FRS2: variants seen among roughly 807,000 people sequenced by gnomAD.
FRS2 encodes FGFR signalling adaptor.
Under a neutral mutation model 43.9 loss-of-function variants are expected in FRS2, and 8 were observed. The observed-to-expected ratio is 0.18, with a 90% CI of 0.11 to 0.33. The LOEUF (loss-of-function observed/expected upper bound fraction) is 0.33, where lower values mean the gene tolerates loss of function less well. Among genes scored for constraint, FRS2 ranks in the 10% least tolerant of loss-of-function variants. The pLI, the probability that FRS2 is intolerant of heterozygous loss-of-function variation, is 1.00. For synonymous variants in FRS2, 219 were observed against 220.3 expected, an observed-to-expected ratio of 0.99 and a Z score of 0.05; for missense variants, 534 against 627.6, an observed-to-expected ratio of 0.85 and a Z score of 1.59.
intron 1 of FRS2, among the ~76,000 whole-genome samples, chr12:69,525,192 GTTT>G (rs11295929): frequency 6.8e-6 from 1 of 146,754 alleles, no homozygotes; most frequent in Non-Finnish European, 1.5e-5. Flanking sequence ...ATGTAATATT[GTTT>G]TTTTTTTTTT....
intron 1 of FRS2, among the ~76,000 whole-genome samples, chr12:69,513,754 A>C (rs1170512119): frequency 1.3e-5 from 2 of 152,156 alleles, no homozygotes; most frequent in Non-Finnish European, 2.9e-5. Context: ...TCAAGTGTAA[A>C]GCTCCTGCTG....
At chr12:69,557,617 T>TGC (rs1377444472) in intron 3 of FRS2, among the ~76,000 whole-genome samples, 59 of 117,040 alleles carry the variant, frequency 5.0e-4, no homozygotes, top group Non-Finnish European at 7.0e-4. Context: ...TGTGTGTGTG[T>TGC]GTGCGCGCGC....
chr12:69,524,438 G>A (rs1876001897), intron 1 of FRS2, among the ~76,000 whole-genome samples: 1 of 152,036 alleles, frequency 6.6e-6, no homozygotes, highest in African/African-American at 2.4e-5. Context: ...GTGTCTGTGG[G>A]GCAGCTCTGC....
intron 8 of FRS2, among the ~76,000 whole-genome samples, chr12:69,573,597 G>A (rs1018056211): frequency 3.3e-5 from 5 of 152,090 alleles, no homozygotes; most frequent in South Asian, 2.1e-4. Flanking sequence ...AGAGTAGCTA[G>A]GATTACAGGC....
intron 1 of FRS2, among the ~76,000 whole-genome samples, chr12:69,525,031 T>A (rs533636024): frequency 2.6e-5 from 4 of 152,112 alleles, no homozygotes; most frequent in Non-Finnish European, 5.9e-5. Flanking sequence ...GCCTTCCCTC[T>A]GAAGGTTTGC....
At chr12:69,481,468 A>C (rs1225861482) in intron 1 of FRS2, among the ~76,000 whole-genome samples, 1 of 151,504 alleles carries the variant, frequency 6.6e-6, no homozygotes, top group East Asian at 1.9e-4. Context: ...TTTTGTAGAG[A>C]TGGTGTCTCA....
At chr12:69,556,367 C>G (rs1251484227) in intron 3 of FRS2, among the ~76,000 whole-genome samples, 2 of 151,080 alleles carry the variant, frequency 1.3e-5, no homozygotes, top group Non-Finnish European at 2.9e-5. Context: ...AAGTCTCACT[C>G]TGTTACCAAG....
intron 1 of FRS2, among the ~76,000 whole-genome samples, chr12:69,493,265 A>G (rs1044019408): frequency 2.0e-5 from 3 of 152,210 alleles, no homozygotes; most frequent in African/African-American, 7.2e-5. Flanking sequence ...CAAAGTATAC[A>G]GACATTTGGG....
rs11380565 is a variant in FRS2, at chr12:69,531,335, GA to G, written c.-165+387del. 4.2e-3 allele frequency among the ~76,000 whole-genome samples: 588 copies of G among 140,654 alleles called. 4 individuals are homozygous for G. Among genetic ancestry groups the G allele is most frequent in the African/African-American group, 8.0e-3 (310 of 38,720 alleles). 92.3% of individuals were successfully genotyped at this position (140,654 alleles called of 152,430 possible). A position where few individuals can be genotyped will look rare whatever the true frequency, so the allele number is the denominator to read the frequency against. On this transcript the variant is annotated intron_variant, in intron 2 of 8. Transcript: ENST00000549921. Reference sequence around the variant, plus strand: ...ACAGAGTGAGATACTGTCTCAAAAAGAAAAAAAAAAAAGGTAGACATTAAAG... The same window carrying G: ...ACAGAGTGAGATACTGTCTCAAAAAGAAAAAAAAAAAGGTAGACATTAAAG...
intron 1 of FRS2, among the ~76,000 whole-genome samples, chr12:69,504,514 A>C (rs1038564925): frequency 2.0e-5 from 3 of 152,174 alleles, no homozygotes; most frequent in Non-Finnish European, 4.4e-5. Context: ...GTCACAATAG[A>C]TTTATTGGGA....
intron 3 of FRS2, among the ~76,000 whole-genome samples, chr12:69,551,412 C>T (rs548630638): frequency 1.3e-5 from 2 of 152,254 alleles, no homozygotes; most frequent in South Asian, 2.1e-4. Context: ...AAGTTGTTTT[C>T]AGAGGGATGA....
At chr12:69,502,009 A>G (rs1325710292) in intron 1 of FRS2, among the ~76,000 whole-genome samples, 3 of 151,732 alleles carry the variant, frequency 2.0e-5, no homozygotes, top group Non-Finnish European at 4.4e-5. Context: ...TCTGTCACCC[A>G]GGCTGGAGTG....
intron 1 of FRS2, among the ~76,000 whole-genome samples, chr12:69,483,418 T>C (rs1871519589): frequency 1.3e-5 from 2 of 152,366 alleles, no homozygotes; most frequent in South Asian, 2.1e-4. Context: ...TCATGTAGTA[T>C]GTAATCTTTG....
chr12:69,484,507 C>T (rs572572016), intron 1 of FRS2, among the ~76,000 whole-genome samples: 5 of 152,304 alleles, frequency 3.3e-5, no homozygotes, highest in Admixed American at 6.5e-5. Flanking sequence ...TACATTGCTT[C>T]TCTTTGGTCT....
At chr12:69,519,507 A>G (rs1875410678) in intron 1 of FRS2, among the ~76,000 whole-genome samples, 1 of 152,148 alleles carries the variant, frequency 6.6e-6, no homozygotes, top group African/African-American at 2.4e-5. Flanking sequence ...TCATGCAAGT[A>G]CTAAGCCTAG....
At chr12:69,481,610 T>TACTTTAC (rs1212739694) in intron 1 of FRS2, among the ~76,000 whole-genome samples, 1 of 152,214 alleles carries the variant, frequency 6.6e-6, no homozygotes, top group Non-Finnish European at 1.5e-5. Flanking sequence ...GTTGATACGG[T>TACTTTAC]ACTTTACACT....
At chr12:69,539,223 CAT>C (rs1157372572) in intron 3 of FRS2, among the ~76,000 whole-genome samples, 543 of 152,192 alleles carry the variant, frequency 3.6e-3, no homozygotes, top group Non-Finnish European at 6.1e-3. Flanking sequence ...TACAGGCACA[CAT>C]CACCATGCCT....
At chr12:69,571,947 G>A (rs1006937664) in intron 7 of FRS2, among the ~76,000 whole-genome samples, 171 bp from the exon 8 acceptor site, 3 of 152,122 alleles carry the variant, frequency 2.0e-5, no homozygotes, top group African/African-American at 7.2e-5. Flanking sequence ...AAAACATTCA[G>A]TATTTCATAT....
In FRS2 at chr12:69,572,104, A is replaced by G; in HGVS notation, c.413-14A>G. On this transcript the variant is annotated splice_polypyrimidine_tract_variant and intron_variant, in intron 7 of 8. Transcript: ENST00000549921. The stretch of plus-strand genomic sequence containing the variant: ...CCGCCCCCCTTTTCCTTAAACCAAT[A>G]AACAAAAACTCAGCTCCAGGATTTG... 1 of 1,610,600 alleles carries G rather than the reference A, an allele frequency of 6.2e-7. No individual in the cohort carries two copies.
Sources: gnomAD v4.1 joint callset for allele counts (sites outside exome capture counted in the v4.1 genomes callset) on GRCh38, gnomAD v4.1.1 for gene constraint, MANE v1.5 for transcripts, NCBI Gene and HGNC (gene_info 2026-07-23, HGNC 2026-07-21) for gene names.